Variants in PDE8A observed in about 807,000 individuals in gnomAD.
PDE8A encodes high affinity cAMP-specific and IBMX-insensitive 3',5'-cyclic phosphodiesterase 8A.
Under a neutral mutation model 105.0 loss-of-function variants are expected in PDE8A, and 59 were observed. That is an observed-to-expected ratio of 0.56 (90% CI 0.46 to 0.70). The LOEUF is 0.70. Ranked by LOEUF, PDE8A falls within the 30% of genes least tolerant of loss-of-function variation. The probability of loss-of-function intolerance (pLI) is 0.00; values close to 1 mark genes in which losing one functional copy is unlikely to be tolerated. For missense variants in PDE8A, 1,014 were observed against 1,045.9 expected (o/e 0.97, Z 0.42); for synonymous variants, 355 against 371.9 (o/e 0.95, Z 0.52).
chr15:85,005,592 C>A (rs1238165264), intron 1 of PDE8A, among the ~76,000 whole-genome samples: 1 of 152,148 alleles, frequency 6.6e-6, no homozygotes, highest in Admixed American at 6.5e-5. Flanking sequence ...AATTAGAAAT[C>A]ACCAAGTATT....
intron 11 of PDE8A, among the ~76,000 whole-genome samples, chr15:85,100,418 C>T (rs1356373871): frequency 1.3e-5 from 2 of 152,202 alleles, no homozygotes; most frequent in Non-Finnish European, 2.9e-5. Flanking sequence ...GGTCTCTGAG[C>T]CTGCGAGGGA....
intron 11 of PDE8A, among the ~76,000 whole-genome samples, chr15:85,102,904 CAG>C (rs1038882229): frequency 6.7e-6 from 1 of 150,086 alleles, no homozygotes; most frequent in African/African-American, 2.5e-5. Flanking sequence ...TCCTTTATTA[CAG>C]AGGAAGAAAC....
intron 1 of PDE8A, among the ~76,000 whole-genome samples, chr15:84,984,781 T>A (rs1265988470): frequency 6.6e-6 from 1 of 152,220 alleles, no homozygotes; most frequent in African/African-American, 2.4e-5. Context: ...ATATCCCTAA[T>A]CAGAAAATGA....
chr15:85,058,639 C>T (rs1249459079), intron 1 of PDE8A, among the ~76,000 whole-genome samples: 1 of 152,030 alleles, frequency 6.6e-6, no homozygotes, highest in African/African-American at 2.4e-5. Flanking sequence ...GTACTTTTTG[C>T]GCTTCTAGGA....
intron 2 of PDE8A, among the ~76,000 whole-genome samples, chr15:85,065,801 A>G (rs1352710120): frequency 6.6e-6 from 1 of 152,186 alleles, no homozygotes; most frequent in African/African-American, 2.4e-5. Flanking sequence ...GGGAGTGGGA[A>G]TAGCAGGGAG....
intron 1 of PDE8A, among the ~76,000 whole-genome samples, chr15:85,058,108 T>A (rs530932825): frequency 4.1e-4 from 62 of 152,268 alleles, no homozygotes; most frequent in South Asian, 6.2e-4. Flanking sequence ...AGGGATAGGG[T>A]CTTGCTCTGT....
At chr15:85,083,497 A>C in intron 5 of PDE8A, 59 bp from the exon 6 acceptor site, 1 of 985,696 alleles carries the variant, frequency 1.0e-6, no homozygotes, top group East Asian at 2.4e-5. Context: ...AGTTATTTTT[A>C]TTGGCACAAA....
Position 85,065,035 on chromosome 15 carries a change from G to GT in PDE8A, c.243+610dup, listed in dbSNP as rs566512075. ...AAAAAATGTGTATAATTGTATGTAT[G>GT]TACATGTATGTGTTTAGAGAGAGAG... On this transcript the variant is annotated intron_variant, in intron 2 of 21. Transcript: ENST00000394553. Among the ~76,000 whole-genome samples, 15 of 152,154 alleles carry GT rather than the reference G, an allele frequency of 9.9e-5. No individual in the cohort carries two copies. In the East Asian group the frequency reaches 2.5e-3, roughly 25 times the overall value.
At position 85,137,874 on chromosome 15, in the gene PDE8A, C is replaced by A; in HGVS notation, c.2461C>A (p.Leu821Met). Residue 821 changes from leucine (L) to methionine (M), a missense_variant, in exon 22 of 22, where the codon CTG (leucine) becomes ATG (methionine). By Grantham distance (15) the Leu-to-Met change is conservative. Transcript: ENST00000394553. ...CTGGAAAGGACTGGACGAAATGAAG[C>A]TGCGGAACCTCCGACCACCTCCTGA... Reference protein sequence around the residue: ...KYWKGLDEMKLRNLRPPPE With the variant: ...KYWKGLDEMKMRNLRPPPE 1 of 1,612,218 alleles carries A rather than the reference C, an allele frequency of 6.2e-7. No homozygotes were observed. The highest frequency in any genetic ancestry group is 8.5e-7 in the Non-Finnish European group (1 of 1,178,250).
At position 85,113,891 on chromosome 15, in the gene PDE8A, G is replaced by A. The variant is rs767278057; in HGVS notation, c.1204G>A (p.Ala402Thr). ...PITKVINIIN[A>T]AQESSPMPVT... ...AATGTAGGTAATCAATATTATCAAT[G>A]CTGCCCAGGAAAGTAGTCCCATGCC... is the stretch of plus-strand genomic sequence containing the variant. The change falls in exon 14 of 22, where the codon GCT becomes ACT. Residue 402 changes from alanine (A) to threonine (T), a missense_variant. Ala to Thr is a moderately conservative substitution (Grantham distance 58). Transcript: ENST00000394553. 6.2e-7 allele frequency: 1 copy of A among 1,612,456 alleles called. No individual in the cohort carries two copies. Among genetic ancestry groups the A allele is most frequent in the South Asian group, 1.1e-5 (1 of 90,846 alleles).
intron 3 of PDE8A, among the ~76,000 whole-genome samples, chr15:85,068,641 G>A (rs2081267299): frequency 1.3e-5 from 2 of 148,170 alleles, no homozygotes; most frequent in South Asian, 4.1e-4. Context: ...TGGTAGTCAT[G>A]GTGGAATGTT....
chr15:84,981,509 G>A (rs2079706995), upstream of PDE8A, among the ~76,000 whole-genome samples: 1 of 152,158 alleles, frequency 6.6e-6, no homozygotes, highest in Non-Finnish European at 1.5e-5. Context: ...CCTGGCGGAC[G>A]TGGCCCGGCC....
chr15:85,115,971 C>T lies in PDE8A; in HGVS notation c.1400-13C>T, dbSNP rs752527800. Reference sequence around the variant, plus strand: ...TAAAGCCTATTTGTTCTCCAAATTACATCACTTTACAGACACTCAAATGGT... The same window carrying T: ...TAAAGCCTATTTGTTCTCCAAATTATATCACTTTACAGACACTCAAATGGT... On this transcript the variant is annotated splice_polypyrimidine_tract_variant and intron_variant, in intron 15 of 21. Coordinates refer to ENST00000394553, the MANE Select transcript of PDE8A (RefSeq NM_002605.3). 19 of 1,584,668 alleles carry T rather than the reference C, an allele frequency of 1.2e-5. No homozygotes were observed. The South Asian group carries it at 1.2e-4, about 10-fold the overall frequency.
chr15:85,024,882 C>T (rs756931314), intron 1 of PDE8A, among the ~76,000 whole-genome samples: 36 of 152,282 alleles, frequency 2.4e-4, no homozygotes, highest in African/African-American at 8.4e-4. Context: ...TTTTGAACAG[C>T]GGCTTTAGCT....
In PDE8A at chr15:85,067,186, A is replaced by T. The variant is rs769376752; in HGVS notation, c.416A>T (p.Asp139Val). 3 of 1,613,644 alleles carry T rather than the reference A, an allele frequency of 1.9e-6. No homozygotes were observed. The African/African-American group carries it at 4.0e-5, about 22-fold the overall frequency. ...IIDHRNPRQLDAEALCRSIRS... is the reference protein window; with the variant it reads ...IIDHRNPRQLVAEALCRSIRS... ...GACCACAGAAATCCTCGACAGCTGG[A>T]TGCAGAGGCACTGTGCAGGTAAGCC... is the stretch of plus-strand genomic sequence containing the variant. Residue 139 changes from aspartate to valine, a missense_variant, in exon 3 of 22, where the codon GAT (aspartate) becomes GTT (valine). Transcript: ENST00000394553.
At chr15:85,135,969 C>T (rs1022718474) in intron 20 of PDE8A, among the ~76,000 whole-genome samples, 1 of 151,968 alleles carries the variant, frequency 6.6e-6, no homozygotes, top group Admixed American at 6.5e-5. Context: ...GTAAAGTGGC[C>T]CCTGTGTGGG....
intron 1 of PDE8A, among the ~76,000 whole-genome samples, chr15:85,037,541 C>G (rs185685649): frequency 3.0e-4 from 45 of 152,196 alleles, no homozygotes; most frequent in African/African-American, 1.0e-3. Context: ...CTGAACTGAG[C>G]CTTAATTATA....
chr15:85,029,279 T>C (rs1167713408), intron 1 of PDE8A, among the ~76,000 whole-genome samples: 4 of 152,202 alleles, frequency 2.6e-5, no homozygotes, highest in East Asian at 1.9e-4. Flanking sequence ...ACCCAACTTA[T>C]TGTTAAAATA....
chr15:85,004,342 C>T (rs2080111903), intron 1 of PDE8A, among the ~76,000 whole-genome samples: 1 of 152,156 alleles, frequency 6.6e-6, no homozygotes, highest in Admixed American at 6.5e-5. Context: ...CATCTGGTCC[C>T]AGTTACTAAT....
Sources: gnomAD v4.1 joint callset for allele counts (sites outside exome capture counted in the v4.1 genomes callset) on GRCh38, gnomAD v4.1.1 for gene constraint, MANE v1.5 for transcripts, NCBI Gene and HGNC (gene_info 2026-07-23, HGNC 2026-07-21) for gene names.